The following FGF14 variants were observed in gnomAD, a reference collection of about 807,000 sequenced individuals.
FGF14 encodes the protein fibroblast growth factor homologous factor 4.
Under a neutral mutation model 25.5 loss-of-function variants are expected in FGF14, and 5 were observed. The ratio of observed to expected loss-of-function variants is 0.20; its 90% confidence interval spans 0.10 to 0.41. The LOEUF is 0.41. Among genes scored for constraint, FGF14 ranks in the 10% least tolerant of loss-of-function variants. The pLI is 1.00. For synonymous variants in FGF14, 138 were observed against 118.3 expected (o/e 1.17, Z -1.08); for missense variants, 222 against 320.1 (o/e 0.69, Z 2.34).
chr13:102,030,232 G>T, intron 1 of FGF14, among the ~76,000 whole-genome samples: 1 of 152,022 alleles, frequency 6.6e-6, no homozygotes, highest in East Asian at 1.9e-4. Context: ...AAGAAAAACT[G>T]TACTTTGTAA....
At chr13:102,006,584 C>T (rs919098924) in intron 1 of FGF14, among the ~76,000 whole-genome samples, 4 of 151,902 alleles carry the variant, frequency 2.6e-5, no homozygotes, top group Admixed American at 6.6e-5. Flanking sequence ...CTTTTTTGTT[C>T]CACCCAAGCA....
chr13:102,296,481 T>C (rs1488934922), intron 1 of FGF14, among the ~76,000 whole-genome samples: 3 of 152,206 alleles, frequency 2.0e-5, no homozygotes, highest in Non-Finnish European at 4.4e-5. Flanking sequence ...ATCCCTGATG[T>C]ACTGCAAGGC....
chr13:101,797,851 C>CA (rs1228616919), intron 3 of FGF14, among the ~76,000 whole-genome samples: 1 of 150,564 alleles, frequency 6.6e-6, no homozygotes, highest in African/African-American at 2.4e-5. Flanking sequence ...TAGGAACCTT[C>CA]AAAAAACCAA....
intron 1 of FGF14, among the ~76,000 whole-genome samples, chr13:102,348,875 A>G (rs1274246490): frequency 3.3e-5 from 5 of 152,150 alleles, no homozygotes; most frequent in Non-Finnish European, 7.4e-5. Context: ...CCTCGTTTGC[A>G]TGCCTTTAGC....
rs570140558 is a variant in FGF14, at chr13:102,049,747, C to A, written c.209-174451G>T. Among the ~76,000 whole-genome samples, 3 of 151,968 alleles carry A rather than the reference C, an allele frequency of 2.0e-5. No homozygotes were observed. The East Asian group carries it at 5.8e-4, about 29-fold the overall frequency. On this transcript the variant is annotated intron_variant, in intron 1 of 4. Transcript: ENST00000376131. ...AAAGGGGAAATTTACACACACGCAC[C>A]CCCCCACACACAAACACACAAACAC...
At chr13:102,148,915 C>A (rs1370662563) in intron 1 of FGF14, among the ~76,000 whole-genome samples, 1 of 152,072 alleles carries the variant, frequency 6.6e-6, no homozygotes, top group Non-Finnish European at 1.5e-5. Context: ...GATCACTGAC[C>A]AGCGCGTACC....
At chr13:102,136,198 C>A (rs1316535190) in intron 1 of FGF14, among the ~76,000 whole-genome samples, 1 of 152,032 alleles carries the variant, frequency 6.6e-6, no homozygotes, top group Admixed American at 6.6e-5. Flanking sequence ...AATGCAAACA[C>A]TGATAGTTGA....
chr13:102,395,073 C>G (rs2058546275), intron 1 of FGF14: 1 of 152,240 alleles, frequency 6.6e-6, no homozygotes, highest in South Asian at 2.1e-4. Context: ...GTGGTAGGCG[C>G]GAGTGCAGGG....
At chr13:102,045,292 C>A (rs1024026209) in intron 1 of FGF14, among the ~76,000 whole-genome samples, 25 of 151,546 alleles carry the variant, frequency 1.6e-4, no homozygotes, top group African/African-American at 5.1e-4. Flanking sequence ...AAAGCTGTAA[C>A]CATAGATATA....
At chr13:101,904,862 T>G (rs577793392) in intron 1 of FGF14, among the ~76,000 whole-genome samples, 3 of 152,346 alleles carry the variant, frequency 2.0e-5, no homozygotes, top group Admixed American at 2.0e-4. Flanking sequence ...CCTTTGCTCA[T>G]GAGTGCCATA....
chr13:101,956,369 T>G (rs1200293509), intron 1 of FGF14, among the ~76,000 whole-genome samples: 3 of 152,252 alleles, frequency 2.0e-5, no homozygotes, highest in Non-Finnish European at 4.4e-5. Flanking sequence ...CACTATCGTA[T>G]TATAGTGGTG....
At chr13:102,023,452 T>G (rs1291654758) in intron 1 of FGF14, among the ~76,000 whole-genome samples, 2 of 152,020 alleles carry the variant, frequency 1.3e-5, no homozygotes, top group Non-Finnish European at 2.9e-5. Flanking sequence ...TGACATACAA[T>G]TCATGTACCG....
At chr13:101,931,326 T>C (rs1194738094) in intron 1 of FGF14, among the ~76,000 whole-genome samples, 1 of 152,184 alleles carries the variant, frequency 6.6e-6, no homozygotes, top group Non-Finnish European at 1.5e-5. Flanking sequence ...GTTCCAAGTC[T>C]TCACTCATTT....
chr13:101,889,690 A>C (rs2046173760), intron 1 of FGF14, among the ~76,000 whole-genome samples: 1 of 152,138 alleles, frequency 6.6e-6, no homozygotes, highest in Non-Finnish European at 1.5e-5. Flanking sequence ...TAACCCAGAA[A>C]CTTCTAACAT....
At chr13:102,099,368 T>C (rs9518632) in intron 1 of FGF14, among the ~76,000 whole-genome samples, 58,835 of 152,136 alleles carry the variant, frequency 0.39, 13,482 homozygotes, top group Non-Finnish European at 0.51. Flanking sequence ...GCACTGTTCT[T>C]TAAACGTCTC....
intron 1 of FGF14, among the ~76,000 whole-genome samples, chr13:102,119,093 A>G (rs1036141906): frequency 2.6e-5 from 4 of 152,218 alleles, no homozygotes; most frequent in African/African-American, 9.6e-5. Context: ...TTGAGTATCA[A>G]TAATAGTGAC....
At chr13:102,275,234 T>TTCTCTTTCTCTC (rs1249330049) in intron 1 of FGF14, among the ~76,000 whole-genome samples, 7 of 67,476 alleles carry the variant, frequency 1.0e-4, no homozygotes, top group African/African-American at 4.5e-4. Context: ...TTAGGCAGAT[T>TTCTCTTTCTCTC]TCTCTCTCTC....
chr13:102,024,948 T>C (rs570638950), intron 1 of FGF14, among the ~76,000 whole-genome samples: 2 of 151,564 alleles, frequency 1.3e-5, no homozygotes, highest in South Asian at 4.2e-4. Context: ...GGTGTATATA[T>C]ATATATACAT....
chr13:101,925,981 T>A (rs2034333894), intron 1 of FGF14, among the ~76,000 whole-genome samples: 1 of 152,170 alleles, frequency 6.6e-6, no homozygotes, highest in Non-Finnish European at 1.5e-5. Context: ...TTGTCACATT[T>A]CCTACTACTG....
Sources: gnomAD v4.1 joint callset for allele counts (sites outside exome capture counted in the v4.1 genomes callset) on GRCh38, gnomAD v4.1.1 for gene constraint, MANE v1.5 for transcripts, NCBI Gene and HGNC (gene_info 2026-07-23, HGNC 2026-07-21) for gene names.